The following ANO3 variants were observed in gnomAD, a reference collection of about 807,000 sequenced individuals.
The protein encoded by ANO3 is anoctamin-3.
ANO3 carries 99 observed loss-of-function variants against 144.8 expected under a neutral mutation model. That is an observed-to-expected ratio of 0.68 (90% CI 0.58 to 0.81). The LOEUF is 0.81. Ranked by LOEUF, ANO3 falls within the 30% of genes least tolerant of loss-of-function variation. ANO3 has a pLI of 0.00. For synonymous variants in ANO3, 414 were observed against 392.6 expected, an observed-to-expected ratio of 1.05 and a Z score of -0.64; for missense variants, 905 against 1,202.2, an observed-to-expected ratio of 0.75 and a Z score of 3.66.
chr11:26,599,573 G>A lies in ANO3; in HGVS notation c.1695G>A (p.Val565=). The A allele has an allele frequency of 6.2e-7, 1 of 1,614,022 alleles. No homozygotes were observed. The highest frequency in any genetic ancestry group is 8.5e-7 in the Non-Finnish European group (1 of 1,179,962). Residue 565 remains valine (V), a synonymous_variant, in exon 17 of 27, where the codon GTG becomes GTA. Transcript: ENST00000256737. ...AGATATCCTTGGTGATCACTGCAGT[G>A]TTTGGAGTTGTGGTGTACCGCCTGG... ...FFMISLVITA[V]FGVVVYRLVV... is the part of the protein sequence containing the mutation.
chr11:26,467,475 A>C (rs373583533), intron 4 of ANO3, among the ~76,000 whole-genome samples: 322 of 151,730 alleles, frequency 2.1e-3, no homozygotes, highest in African/African-American at 7.4e-3. Flanking sequence ...TCTACTTTCT[A>C]TCTCTGAGTT....
chr11:26,567,676 T>G (rs1009423134), intron 14 of ANO3, among the ~76,000 whole-genome samples: 2 of 152,048 alleles, frequency 1.3e-5, no homozygotes, highest in Non-Finnish European at 2.9e-5. Context: ...CCATGCCCTA[T>G]GGTTATCACT....
chr11:26,301,588 C>A (rs780057242), intron 1 of ANO3, among the ~76,000 whole-genome samples: 11 of 152,100 alleles, frequency 7.2e-5, no homozygotes, highest in Non-Finnish European at 1.3e-4. Context: ...TCTTCCACTT[C>A]TGTCATTCTA....
At chr11:26,338,007 C>T (rs1007198615) in intron 1 of ANO3, among the ~76,000 whole-genome samples, 3 of 151,942 alleles carry the variant, frequency 2.0e-5, no homozygotes, top group South Asian at 2.1e-4. Context: ...CTCAGAGTTC[C>T]CTGAGATTGA....
intron 9 of ANO3, among the ~76,000 whole-genome samples, chr11:26,535,507 C>G (rs1849483637): frequency 2.0e-5 from 3 of 148,404 alleles, no homozygotes; most frequent in African/African-American, 7.4e-5. Context: ...TGGTACCAAT[C>G]TCTACTGATT....
chr11:26,446,068 G>A (rs1187745127), intron 3 of ANO3, among the ~76,000 whole-genome samples: 1 of 152,090 alleles, frequency 6.6e-6, no homozygotes, highest in African/African-American at 2.4e-5. Context: ...CCAACCTCAG[G>A]CAATCCACCC....
intron 1 of ANO3, chr11:26,208,178 T>A (rs1317343080): frequency 6.6e-6 from 1 of 152,204 alleles, no homozygotes; most frequent in Admixed American, 6.6e-5. Context: ...AGCCCCCACC[T>A]CCAGACACTA....
chr11:26,201,502 T>C (rs1851691639), intron 1 of ANO3, among the ~76,000 whole-genome samples: 1 of 152,062 alleles, frequency 6.6e-6, no homozygotes, highest in South Asian at 2.1e-4. Flanking sequence ...TTACAAGAGC[T>C]ACCATTTACT....
intron 1 of ANO3, among the ~76,000 whole-genome samples, chr11:26,267,137 A>G (rs568155361): frequency 2.1e-3 from 319 of 151,944 alleles, no homozygotes; most frequent in African/African-American, 7.6e-3. Flanking sequence ...ACTTTTGTAT[A>G]TAAAGTCAAA....
At chr11:26,646,817 T>C (rs983599497) in intron 23 of ANO3, among the ~76,000 whole-genome samples, 1 of 152,168 alleles carries the variant, frequency 6.6e-6, no homozygotes. Context: ...TTTGCCTAAA[T>C]ATTGTGACTT....
chr11:26,436,207 G>C (rs1858289948), intron 1 of ANO3, among the ~76,000 whole-genome samples: 5 of 152,184 alleles, frequency 3.3e-5, no homozygotes, highest in Admixed American at 2.6e-4. Context: ...ACCAGCCACT[G>C]TTCCCGTGGA....
chr11:26,645,704 T>G (rs1227210250), intron 23 of ANO3, among the ~76,000 whole-genome samples: 6 of 152,108 alleles, frequency 3.9e-5, no homozygotes, highest in East Asian at 1.9e-4. Flanking sequence ...GGGGCCTTTT[T>G]GGGGGGCAGA....
chr11:26,519,235 C>T (rs17309118), intron 6 of ANO3, among the ~76,000 whole-genome samples: 16,744 of 152,124 alleles, frequency 0.11, 1,287 homozygotes, highest in Admixed American at 0.15. Flanking sequence ...TCAGTTCAGG[C>T]TGAATGAATA....
At chr11:26,459,126 C>T (rs1292306665) in intron 3 of ANO3, among the ~76,000 whole-genome samples, 1 of 151,978 alleles carries the variant, frequency 6.6e-6, no homozygotes, top group Non-Finnish European at 1.5e-5. Context: ...CATCAAATAA[C>T]CTGGTGCAGC....
At chr11:26,243,792 G>GC (rs994883490) in intron 1 of ANO3, among the ~76,000 whole-genome samples, 3 of 152,058 alleles carry the variant, frequency 2.0e-5, no homozygotes, top group Non-Finnish European at 4.4e-5. Flanking sequence ...GAGATTCTCA[G>GC]AAAAATCTTA....
chr11:26,510,969 G>C (rs1246255328), intron 5 of ANO3, among the ~76,000 whole-genome samples: 2 of 152,180 alleles, frequency 1.3e-5, no homozygotes, highest in South Asian at 4.1e-4. Flanking sequence ...CAGCAGGACA[G>C]TGTCCATTTG....
intron 17 of ANO3, among the ~76,000 whole-genome samples, chr11:26,604,586 C>T (rs1590621879): frequency 6.6e-6 from 1 of 152,042 alleles, no homozygotes; most frequent in Non-Finnish European, 1.5e-5. Context: ...TCTCATATTT[C>T]CTAGAGCAGT....
At chr11:26,641,354 A>T (rs1028311354) in intron 21 of ANO3, among the ~76,000 whole-genome samples, 7 of 152,206 alleles carry the variant, frequency 4.6e-5, no homozygotes, top group African/African-American at 1.7e-4. Context: ...GCATTGCAGG[A>T]TGGGAACTAG....
At chr11:26,610,877 T>C (rs1226667903) in intron 17 of ANO3, among the ~76,000 whole-genome samples, 1 of 152,140 alleles carries the variant, frequency 6.6e-6, no homozygotes, top group Non-Finnish European at 1.5e-5. Flanking sequence ...AACTTGTATT[T>C]GTCAAGGAAT....
Sources: gnomAD v4.1 joint callset for allele counts (sites outside exome capture counted in the v4.1 genomes callset) on GRCh38, gnomAD v4.1.1 for gene constraint, MANE v1.5 for transcripts, NCBI Gene and HGNC (gene_info 2026-07-23, HGNC 2026-07-21) for gene names.